The following SESN1 variants were observed in gnomAD, a reference collection of about 807,000 sequenced individuals.
SESN1 encodes the protein sestrin-1.
A neutral mutation model predicts 59.3 loss-of-function variants in SESN1; 30 were observed. That is an observed-to-expected ratio of 0.51 (90% CI 0.38 to 0.69). The LOEUF (loss-of-function observed/expected upper bound fraction) is 0.69. Ranked by LOEUF, SESN1 falls within the 30% of genes least tolerant of loss-of-function variation. SESN1 has a pLI of 0.00. For synonymous variants in SESN1, 197 were observed against 219.9 expected (o/e 0.90, Z 0.92); for missense variants, 566 against 673.0 (o/e 0.84, Z 1.76).
chr6:109,043,569 T>C (rs1423978921), intron 1 of SESN1, among the ~76,000 whole-genome samples: 5 of 152,096 alleles, frequency 3.3e-5, no homozygotes, highest in African/African-American at 1.2e-4. Flanking sequence ...TGCTTTTCTA[T>C]AGACCATCAG....
Position 109,009,397 on chromosome 6 carries a change from C to T in SESN1, c.280-7054G>A, listed in dbSNP as rs755639093. On this transcript the variant is annotated intron_variant, in intron 1 of 9. Transcript: ENST00000436639. ...CGGCCCCCGCCGCACTGCTTGCAGC[C>T]CAGCAGCCCCGAGACCGCCAAAGGG... 7.5e-6 allele frequency: 11 copies of T among 1,461,950 alleles called. No homozygotes were observed. The South Asian group carries it at 1.4e-4, about 19-fold the overall frequency. 90.6% of individuals were successfully genotyped at this position (1,461,950 alleles called of 1,614,324 possible).
intron 1 of SESN1, among the ~76,000 whole-genome samples, chr6:109,042,532 A>C (rs1361260541): frequency 1.4e-5 from 2 of 148,090 alleles, no homozygotes; most frequent in Non-Finnish European, 3.0e-5. Flanking sequence ...GATTATTGCG[A>C]AAAAAAAAAA....
chr6:109,036,417 G>A, intron 1 of SESN1, among the ~76,000 whole-genome samples: 1 of 152,092 alleles, frequency 6.6e-6, no homozygotes, highest in African/African-American at 2.4e-5. Context: ...ATCATTCTTT[G>A]CCTAATAAAA....
Position 108,987,585 on chromosome 6 carries a change from G to T in SESN1, c.1615C>A (p.Leu539Ile). 2 of 1,605,928 alleles carry T rather than the reference G, an allele frequency of 1.2e-6. No homozygotes were observed. The change falls in exon 10 of 10, where the codon CTC becomes ATC. Residue 539 changes from leucine (L) to isoleucine (I), a missense_variant. Leu to Ile is a conservative substitution (Grantham distance 5). Transcript: ENST00000436639. ...LLIEARMQAELLYALRAITRY... is the reference protein window; with the variant it reads ...LLIEARMQAEILYALRAITRY... ...GTAATGGCTCTCAGAGCATAAAGGAGTTCTGCTTGCATCCTAGCTTCTATA... is the reference window on the plus strand; with the variant it reads ...GTAATGGCTCTCAGAGCATAAAGGATTTCTGCTTGCATCCTAGCTTCTATA...
At chr6:109,076,175 C>T (rs1781028654) in intron 1 of SESN1, among the ~76,000 whole-genome samples, 1 of 152,220 alleles carries the variant, frequency 6.6e-6, no homozygotes, top group African/African-American at 2.4e-5. Flanking sequence ...TTATGTATCA[C>T]TAATTGTACT....
chr6:109,080,204 G>T (rs921092933), intron 1 of SESN1, among the ~76,000 whole-genome samples: 1 of 152,130 alleles, frequency 6.6e-6, no homozygotes, highest in Non-Finnish European at 1.5e-5. Flanking sequence ...TCTAAAATAA[G>T]ATCATTGCAA....
intron 4 of SESN1, chr6:108,999,966 A>G (rs1779579274): frequency 6.6e-6 from 1 of 152,190 alleles, no homozygotes; most frequent in Non-Finnish European, 1.5e-5. Flanking sequence ...AAAGAAATGA[A>G]CTATCAAGTC....
In SESN1 at chr6:109,061,170, T is replaced by C. The variant is rs116072017; in HGVS notation, c.279+32625A>G. Among the ~76,000 whole-genome samples the C allele has an allele frequency of 8.0e-3, 1,213 of 152,286 alleles. 20 individuals carry two copies. Among genetic ancestry groups the C allele is most frequent in the African/African-American group, 0.028 (1,163 of 41,552 alleles). On this transcript the variant is annotated intron_variant, in intron 1 of 9. Transcript: ENST00000436639. ...AAATTAAAGCAACAATAAGTTACTC[T>C]TAATTTTATATTTCCCTTAGGAAAA...
At chr6:109,037,044 G>A (rs1055096097) in intron 1 of SESN1, among the ~76,000 whole-genome samples, 15 of 152,110 alleles carry the variant, frequency 9.9e-5, no homozygotes, top group African/African-American at 3.6e-4. Context: ...ATAATGTGCT[G>A]CCAAAATATA....
intron 1 of SESN1, chr6:109,008,792 C>T (rs1779789690): frequency 1.0e-6 from 1 of 985,408 alleles, no homozygotes; most frequent in East Asian, 1.1e-4. Context: ...GCTTAATACG[C>T]AAGAGTAAAC....
At chr6:109,086,518 A>G (rs1273614670) in intron 1 of SESN1, among the ~76,000 whole-genome samples, 3 of 152,246 alleles carry the variant, frequency 2.0e-5, no homozygotes, top group Non-Finnish European at 2.9e-5. Context: ...AAAAATAAAT[A>G]TAACTCTAAA....
At chr6:109,018,890 T>C (rs1779967000) in intron 1 of SESN1, among the ~76,000 whole-genome samples, 1 of 152,114 alleles carries the variant, frequency 6.6e-6, no homozygotes. Context: ...TAAAGATATT[T>C]TCAAAAACCC....
At chr6:108,990,874 T>C in intron 7 of SESN1, 39 bp from the exon 8 acceptor site, 1 of 1,550,744 alleles carries the variant, frequency 6.4e-7, no homozygotes, top group Non-Finnish European at 8.9e-7. Context: ...ATAAATGTGG[T>C]CAAGTACAGT....
intron 5 of SESN1, among the ~76,000 whole-genome samples, chr6:108,997,913 G>T (rs1779533522): frequency 6.6e-6 from 1 of 152,060 alleles, no homozygotes; most frequent in Non-Finnish European, 1.5e-5. Context: ...TGTTTCAAAG[G>T]AGTAACAAAA....
chr6:109,000,220 A>G, intron 4 of SESN1: 2 of 256,406 alleles, frequency 7.8e-6, no homozygotes, highest in Non-Finnish European at 7.3e-6. Flanking sequence ...ATTGTAATGG[A>G]TGCGTGACAT....
At position 109,094,295 on chromosome 6, in the gene SESN1, T is replaced by C. The variant is rs1372768206; in HGVS notation, c.-222A>G. 5 of 550,490 alleles carry C rather than the reference T, an allele frequency of 9.1e-6. No homozygotes were observed. Among genetic ancestry groups the C allele is most frequent in the Non-Finnish European group, 1.6e-5 (5 of 314,166 alleles). The allele number at this position is 550,490 out of a possible 1,614,324, so 34.1% of individuals were successfully genotyped here. On this transcript the variant is annotated 5_prime_UTR_variant, in exon 1 of 10. Coordinates refer to ENST00000436639, the MANE Select transcript of SESN1 (RefSeq NM_014454.3). ...TTGTACACGAAAGGGCAGTCTTCTT[T>C]CTGGAAAAACAAAGTTTGAAAGTTG...
chr6:109,045,640 C>T (rs1297835398), intron 1 of SESN1, among the ~76,000 whole-genome samples: 2 of 152,166 alleles, frequency 1.3e-5, no homozygotes, highest in Non-Finnish European at 2.9e-5. Flanking sequence ...GCTTCAAGAG[C>T]CAGCTGAGGC....
At position 108,998,737 on chromosome 6, in the gene SESN1, C is replaced by T. The variant is rs1479431236; in HGVS notation, c.748G>A (p.Glu250Lys). 2 of 1,610,268 alleles carry T rather than the reference C, an allele frequency of 1.2e-6. No individual in the cohort carries two copies. Among genetic ancestry groups the T allele is most frequent in the African/African-American group, 1.3e-5 (1 of 74,826 alleles). ...AATTCCGCAAGGGACCAGCTGTGCT[C>T]TTCAGCTTTTAAAAGTCCCTTAGGG... ...EHIEGLLKAE[E>K]HSWSLAELVH... is the part of the protein sequence containing the mutation. The change falls in exon 5 of 10, where the codon GAG becomes AAG. Residue 250 changes from glutamate to lysine, a missense_variant. Glu to Lys is a moderately conservative substitution (Grantham distance 56, BLOSUM62 1). Transcript: ENST00000436639.
chr6:109,009,136 T>TCTCCCACCCA, intron 1 of SESN1: 1 of 686,234 alleles, frequency 1.5e-6, no homozygotes, highest in African/African-American at 1.9e-5. Flanking sequence ...CGACTCACGG[T>TCTCCCACCCA]GCGCAGGTCT....
Sources: gnomAD v4.1 joint callset for allele counts (sites outside exome capture counted in the v4.1 genomes callset) on GRCh38, gnomAD v4.1.1 for gene constraint, MANE v1.5 for transcripts, NCBI Gene and HGNC (gene_info 2026-07-23, HGNC 2026-07-21) for gene names.